The following METTL15 variants were observed in gnomAD, a reference collection of about 807,000 sequenced individuals.
The protein encoded by METTL15 is methyltransferase 15, mitochondrial 12S rRNA N4-cytidine, also known as 12S rRNA N(4)-cytidine methyltransferase METTL15.
Under a neutral mutation model 38.3 loss-of-function variants are expected in METTL15, and 34 were observed. The ratio of observed to expected loss-of-function variants is 0.89; its 90% confidence interval spans 0.68 to 1.18. The LOEUF is 1.18. Ranked by LOEUF, METTL15 falls within the 50% of genes most tolerant of loss-of-function variation. The pLI is 0.00. For synonymous variants in METTL15, 162 were observed against 170.9 expected, an observed-to-expected ratio of 0.95 and a Z score of 0.41; for missense variants, 438 against 498.4, an observed-to-expected ratio of 0.88 and a Z score of 1.15.
chr11:28,223,912 GT>G (rs1289096032), intron 4 of METTL15, among the ~76,000 whole-genome samples: 2 of 151,912 alleles, frequency 1.3e-5, no homozygotes, highest in African/African-American at 2.4e-5. Flanking sequence ...AAAAATCAAA[GT>G]TTTTTATCTT....
intron 4 of METTL15, among the ~76,000 whole-genome samples, chr11:28,219,369 G>A (rs1481100178): frequency 2.6e-5 from 4 of 152,144 alleles, no homozygotes; most frequent in Non-Finnish European, 5.9e-5. Flanking sequence ...AGTATTCTGT[G>A]ATGGTAGTTT....
At chr11:28,405,113 A>G (rs901013352) in intron 5 of METTL15, among the ~76,000 whole-genome samples, 1 of 152,154 alleles carries the variant, frequency 6.6e-6, no homozygotes, top group African/African-American at 2.4e-5. Context: ...AGCTTGGGCT[A>G]TTGTTCTAAG....
intron 4 of METTL15, among the ~76,000 whole-genome samples, chr11:28,282,108 A>G (rs1856076977): frequency 6.6e-6 from 1 of 152,260 alleles, no homozygotes; most frequent in Non-Finnish European, 1.5e-5. Context: ...TGATGCTAAC[A>G]TGACTAGGTC....
chr11:28,507,804 C>T (rs1390621958), intron 6 of METTL15, among the ~76,000 whole-genome samples: 2 of 152,200 alleles, frequency 1.3e-5, no homozygotes, highest in African/African-American at 4.8e-5. Flanking sequence ...TGCTACTTCT[C>T]AAGTCCCTGA....
intron 6 of METTL15, among the ~76,000 whole-genome samples, chr11:28,446,162 C>T (rs1412708274): frequency 1.3e-5 from 2 of 152,134 alleles, no homozygotes; most frequent in African/African-American, 2.4e-5. Flanking sequence ...GGGTGAAGGC[C>T]GTAGGGTGGG....
chr11:28,373,879 C>T (rs1214279989), intron 5 of METTL15, among the ~76,000 whole-genome samples: 1 of 152,168 alleles, frequency 6.6e-6, no homozygotes, highest in East Asian at 1.9e-4. Context: ...CAGCTTTCTA[C>T]ATATGGCTAG....
intron 4 of METTL15, among the ~76,000 whole-genome samples, chr11:28,352,320 C>G (rs759210195): frequency 4.6e-5 from 7 of 152,104 alleles, no homozygotes; most frequent in East Asian, 1.9e-4. Context: ...CTGTCTACCC[C>G]CTAGCCTGTG....
intron 4 of METTL15, among the ~76,000 whole-genome samples, chr11:28,286,772 A>G (rs1429165901): frequency 6.6e-6 from 1 of 151,998 alleles, no homozygotes; most frequent in Admixed American, 6.6e-5. Context: ...AGTGGAGTTC[A>G]CTAGAAAACA....
At chr11:28,166,347 T>A (rs1349800932) in intron 3 of METTL15, among the ~76,000 whole-genome samples, 2 of 152,196 alleles carry the variant, frequency 1.3e-5, no homozygotes, top group African/African-American at 4.8e-5. Flanking sequence ...GTAGGATTAG[T>A]TTCTGTGTTT....
intron 3 of METTL15, among the ~76,000 whole-genome samples, chr11:28,114,254 C>T (rs1238747045): frequency 1.3e-5 from 2 of 151,956 alleles, no homozygotes; most frequent in Non-Finnish European, 1.5e-5. Context: ...TTTTATCTGC[C>T]TTCTTTTACT....
At position 28,431,207 on chromosome 11, in the gene METTL15, C is replaced by A. The variant is rs372330988; in HGVS notation, c.*424+6843C>A. On this transcript the variant is annotated intron_variant and NMD_transcript_variant, in intron 6 of 7. Coordinates refer to the METTL15 transcript ENST00000532947. ...TCCGCCCCGTCCGGGAGGTGAGGGG[C>A]GCCTCTGCCCGGCCGCCCCTACTGG... 6.1e-5 allele frequency among the ~76,000 whole-genome samples: 8 copies of A among 130,930 alleles called. No homozygotes were observed. The East Asian group carries it at 1.6e-3, about 26-fold the overall frequency. The allele number at this position is 130,930 out of a possible 152,430, so 85.9% of individuals were successfully genotyped here.
At chr11:28,224,713 T>C (rs1853400198) in intron 4 of METTL15, among the ~76,000 whole-genome samples, 1 of 151,822 alleles carries the variant, frequency 6.6e-6, no homozygotes, top group Non-Finnish European at 1.5e-5. Flanking sequence ...TTATATACTC[T>C]TATCTATATT....
chr11:28,367,481 G>A (rs1442135648), intron 5 of METTL15, among the ~76,000 whole-genome samples: 1 of 152,084 alleles, frequency 6.6e-6, no homozygotes, highest in Non-Finnish European at 1.5e-5. Flanking sequence ...ACTGCTCAAG[G>A]AAATAAGGAT....
Position 28,350,464 on chromosome 11 carries a change from C to A in METTL15, c.*190-1626C>A, listed in dbSNP as rs549752218. Among the ~76,000 whole-genome samples, 8 of 152,288 alleles carry A rather than the reference C, an allele frequency of 5.3e-5. No individual in the cohort carries two copies. In the South Asian group the frequency reaches 1.7e-3, roughly 32 times the overall value. On this transcript the variant is annotated intron_variant and NMD_transcript_variant, in intron 3 of 7. Coordinates refer to the METTL15 transcript ENST00000532947. ...GGTCACCCATACTCTACAATTTAAG[C>A]ATGTTAACTACTGAATCAATCCAAG...
chr11:28,285,995 T>G (rs1856247356), intron 4 of METTL15, among the ~76,000 whole-genome samples: 1 of 152,238 alleles, frequency 6.6e-6, no homozygotes, highest in African/African-American at 2.4e-5. Context: ...GCAGAGATAT[T>G]ATATCTATCA....
intron 6 of METTL15, among the ~76,000 whole-genome samples, chr11:28,481,385 T>G (rs954663297): frequency 1.3e-5 from 2 of 152,178 alleles, no homozygotes; most frequent in African/African-American, 4.8e-5. Flanking sequence ...CTTCTTGTCC[T>G]TCTGCAGGGA....
Position 28,123,857 on chromosome 11 carries a change from G to A in METTL15, c.270+10253G>A, listed in dbSNP as rs1394034040. 3 of 1,453,406 alleles carry A rather than the reference G, an allele frequency of 2.1e-6. No individual in the cohort carries two copies. The African/African-American group carries it at 4.3e-5, about 21-fold the overall frequency. 90.0% of individuals were successfully genotyped at this position (1,453,406 alleles called of 1,614,324 possible). A position where few individuals can be genotyped will look rare whatever the true frequency, so the allele number is the denominator to read the frequency against. The stretch of plus-strand genomic sequence containing the variant: ...TTTGTTACATGTATTTTTCTTTCTG[G>A]CAAGCAAAAGAAGTAAACTGTGGAT... On this transcript the variant is annotated intron_variant, in intron 3 of 6. Coordinates refer to ENST00000407364, the MANE Select transcript of METTL15 (RefSeq NM_001113528.2).
chr11:28,137,862 A>G (rs1009215801), intron 3 of METTL15, among the ~76,000 whole-genome samples: 43 of 151,340 alleles, frequency 2.8e-4, no homozygotes, highest in African/African-American at 1.0e-3. Context: ...GCTATTTTTT[A>G]TAAAACCATC....
intron 4 of METTL15, among the ~76,000 whole-genome samples, chr11:28,239,910 T>C (rs995169831): frequency 1.3e-5 from 2 of 152,230 alleles, no homozygotes; most frequent in African/African-American, 4.8e-5. Flanking sequence ...TAATAATTAC[T>C]AGTTTATTGT....
Sources: allele counts gnomAD v4.1 joint callset (sites outside exome capture counted in the v4.1 genomes callset), GRCh38; gene constraint gnomAD v4.1.1; transcripts MANE v1.5; gene names NCBI Gene and HGNC (gene_info 2026-07-23, HGNC 2026-07-21).